The following XNDC1N variants were observed in gnomAD, a reference collection of about 807,000 sequenced individuals.
The protein encoded by XNDC1N is protein XNDC1N.
the XNDC1N span, among the ~76,000 whole-genome samples, chr11:71,919,389 CTTTT>C: frequency 2.5e-4 from 34 of 134,466 alleles, no homozygotes; most frequent in Admixed American, 5.9e-4. Flanking sequence ...AAGCAGAGCT[CTTTT>C]TTTTTTTTTT....
At chr11:71,884,321 T>C in the XNDC1N span, 3 of 1,371,358 alleles carry the variant, frequency 2.2e-6, no homozygotes, top group African/African-American at 1.5e-5. Context: ...TCTGTAATGC[T>C]TTTAATTTAT....
At chr11:71,906,768 G>C in the XNDC1N span, among the ~76,000 whole-genome samples, 1 of 152,088 alleles carries the variant, frequency 6.6e-6, no homozygotes, top group Non-Finnish European at 1.5e-5. Context: ...GTGACGTTAG[G>C]AGTCACATCC....
the XNDC1N span, among the ~76,000 whole-genome samples, chr11:71,900,662 G>T: frequency 6.6e-6 from 1 of 152,156 alleles, no homozygotes; most frequent in Non-Finnish European, 1.5e-5. Context: ...GATTATGAAG[G>T]TGATGATGAG....
chr11:71,911,984 C>T, the XNDC1N span, among the ~76,000 whole-genome samples: 1 of 152,236 alleles, frequency 6.6e-6, no homozygotes, highest in East Asian at 1.9e-4. Context: ...AGGATGGATT[C>T]GGTTAGCAGA....
At chr11:71,928,589 C>T in the XNDC1N span, 1 of 702,370 alleles carries the variant, frequency 1.4e-6, no homozygotes, top group Non-Finnish European at 2.6e-6. Context: ...AAATACATTT[C>T]CGTGTGTTTT....
chr11:71,898,474 G>C, the XNDC1N span, among the ~76,000 whole-genome samples: 1 of 152,050 alleles, frequency 6.6e-6, no homozygotes, highest in Admixed American at 6.6e-5. Flanking sequence ...GGGCGTGATA[G>C]CGCACGCCTG....
the XNDC1N span, among the ~76,000 whole-genome samples, chr11:71,869,034 T>C: frequency 6.6e-6 from 1 of 152,200 alleles, no homozygotes; most frequent in Admixed American, 6.5e-5. Context: ...TCTGAGATTC[T>C]TCCCTCAGCA....
chr11:71,894,032 C>T, the XNDC1N span: 11 of 709,858 alleles, frequency 1.5e-5, no homozygotes, highest in Admixed American at 1.9e-4. Flanking sequence ...CTCAAACTTG[C>T]TTGTTCTGAC....
chr11:71,899,314 G>A, the XNDC1N span, among the ~76,000 whole-genome samples: 3 of 152,288 alleles, frequency 2.0e-5, no homozygotes, highest in South Asian at 6.2e-4. Flanking sequence ...AGGGAGGACA[G>A]TGGACCTGTT....
chr11:71,880,345 T>C, the XNDC1N span, among the ~76,000 whole-genome samples: 1 of 152,182 alleles, frequency 6.6e-6, no homozygotes, highest in African/African-American at 2.4e-5. Flanking sequence ...ATTGTGTTTC[T>C]TTTATATCAG....
At chr11:71,919,614 TTTGTTTG>T in the XNDC1N span, among the ~76,000 whole-genome samples, 8 of 13,052 alleles carry the variant, frequency 6.1e-4, no homozygotes, top group African/African-American at 9.4e-4. Context: ...GGTTTTTTTT[TTTGTTTG>T]TTTTTTTTTT....
At chr11:71,880,614 A>G in the XNDC1N span, among the ~76,000 whole-genome samples, 2 of 151,944 alleles carry the variant, frequency 1.3e-5, no homozygotes, top group Admixed American at 6.6e-5. Flanking sequence ...TAGCTTGTTT[A>G]TAATCTTACT....
chr11:71,898,016 C>G, the XNDC1N span, among the ~76,000 whole-genome samples: 1 of 152,196 alleles, frequency 6.6e-6, no homozygotes, highest in East Asian at 1.9e-4. Flanking sequence ...AACCCTGTCT[C>G]TACTGAAAAT....
the XNDC1N span, among the ~76,000 whole-genome samples, chr11:71,890,404 A>T: frequency 6.6e-6 from 1 of 152,246 alleles, no homozygotes; most frequent in Non-Finnish European, 1.5e-5. Flanking sequence ...AGATATTGGG[A>T]GTGATATCAT....
At chr11:71,917,234 G>A in the XNDC1N span, 19 of 605,582 alleles carry the variant, frequency 3.1e-5, no homozygotes, top group South Asian at 3.8e-5. Context: ...GGCTGGTCTC[G>A]AACTCCTGAC....
At chr11:71,884,571 C>G in the XNDC1N span, 1 of 1,593,740 alleles carries the variant, frequency 6.3e-7, no homozygotes, top group Non-Finnish European at 8.6e-7. Context: ...AAAATTCTAA[C>G]TCCATCTTCT....
chr11:71,878,580 A>G, the XNDC1N span: 1 of 1,527,230 alleles, frequency 6.5e-7, no homozygotes. Context: ...GTCTTTCAAG[A>G]GTCTGAAAAT....
chr11:71,875,628 TA>T, the XNDC1N span, among the ~76,000 whole-genome samples: 8 of 148,176 alleles, frequency 5.4e-5, no homozygotes, highest in East Asian at 1.9e-4. Context: ...AAGCATTCAT[TA>T]AAAAAAAAAC....
chr11:71,878,399 A>G, the XNDC1N span: 2 of 1,597,590 alleles, frequency 1.3e-6, no homozygotes, highest in Non-Finnish European at 1.7e-6. Context: ...TGTACACAGA[A>G]GTCCTCTTCA....
Sources: gnomAD v4.1 joint callset for allele counts (sites outside exome capture counted in the v4.1 genomes callset) on GRCh38, gnomAD v4.1.1 for gene constraint, MANE v1.5 for transcripts, NCBI Gene and HGNC (gene_info 2026-07-23, HGNC 2026-07-21) for gene names.